The following ATF6 variants were observed in gnomAD, a reference collection of about 807,000 sequenced individuals.
ATF6 encodes the protein cyclic AMP-dependent transcription factor ATF-6 alpha.
Under a neutral mutation model 83.6 loss-of-function variants are expected in ATF6, and 53 were observed. That is an observed-to-expected ratio of 0.63 (90% confidence interval 0.51 to 0.80). ATF6 has a LOEUF of 0.80. Among genes scored for constraint, ATF6 ranks in the 30% least tolerant of loss-of-function variants. The probability of loss-of-function intolerance (pLI) is 0.00; values close to 1 mark genes in which losing one functional copy is unlikely to be tolerated. For missense variants in ATF6, 744 were observed against 797.9 expected, an observed-to-expected ratio of 0.93 and a Z score of 0.81; for synonymous variants, 288 against 285.8, an observed-to-expected ratio of 1.01 and a Z score of -0.08.
intron 14 of ATF6, among the ~76,000 whole-genome samples, chr1:161,903,193 A>G (rs558206160): frequency 6.6e-6 from 1 of 152,228 alleles, no homozygotes; most frequent in Non-Finnish European, 1.5e-5. Flanking sequence ...GTACAGGGAT[A>G]GAGTAGAGGC....
At chr1:161,827,334 G>C (rs762313575) in intron 9 of ATF6, among the ~76,000 whole-genome samples, 3 of 152,094 alleles carry the variant, frequency 2.0e-5, no homozygotes, top group Non-Finnish European at 4.4e-5. Context: ...CCACCTGGAA[G>C]ATATTTATTG....
intron 15 of ATF6, among the ~76,000 whole-genome samples, chr1:161,954,055 G>A (rs1688921436): frequency 6.6e-6 from 1 of 152,102 alleles, no homozygotes. Context: ...AGGAAAGGAG[G>A]GGGTTTGTTT....
chr1:161,893,540 A>G (rs1370113519), intron 14 of ATF6, among the ~76,000 whole-genome samples: 1 of 152,232 alleles, frequency 6.6e-6, no homozygotes, highest in Non-Finnish European at 1.5e-5. Context: ...GACCTTCTGA[A>G]AAGCCTGAGT....
At chr1:161,874,654 T>C (rs1571206794) in intron 14 of ATF6, among the ~76,000 whole-genome samples, 1 of 151,682 alleles carries the variant, frequency 6.6e-6, no homozygotes, top group Admixed American at 6.6e-5. Context: ...GTCACATATT[T>C]ACTTTGAAGT....
At chr1:161,907,332 A>C (rs891852469) in intron 14 of ATF6, among the ~76,000 whole-genome samples, 10 of 152,222 alleles carry the variant, frequency 6.6e-5, no homozygotes, top group African/African-American at 2.4e-4. Flanking sequence ...GCTGTTTTTG[A>C]AATAAGGCTA....
intron 9 of ATF6, among the ~76,000 whole-genome samples, chr1:161,835,205 A>G (rs746500035): frequency 6.6e-6 from 1 of 152,138 alleles, no homozygotes; most frequent in African/African-American, 2.4e-5. Flanking sequence ...GATACACACC[A>G]CCGTACCTGG....
intron 3 of ATF6, among the ~76,000 whole-genome samples, chr1:161,782,362 C>T: frequency 6.6e-6 from 1 of 152,174 alleles, no homozygotes; most frequent in South Asian, 2.1e-4. Flanking sequence ...GTGGAGGAGT[C>T]CCATGCATTT....
intron 14 of ATF6, among the ~76,000 whole-genome samples, chr1:161,907,618 T>A (rs1431495676): frequency 6.6e-6 from 1 of 152,238 alleles, no homozygotes; most frequent in East Asian, 1.9e-4. Flanking sequence ...GGCTCCAACC[T>A]TGAGCCAGAG....
chr1:161,846,544 A>G lies in ATF6; in HGVS notation c.1283A>G (p.Asp428Gly). The G allele has an allele frequency of 6.2e-7, 1 of 1,611,178 alleles. No homozygotes were observed. The highest frequency in any genetic ancestry group is 8.5e-7 in the Non-Finnish European group (1 of 1,178,210). The change falls in exon 10 of 16, where the codon GAC becomes GGC. Residue 428 changes from aspartate to glycine, a missense_variant. Coordinates refer to ENST00000367942, the MANE Select transcript of ATF6 (RefSeq NM_007348.4). ...LLGFSAKEAQ[D>G]TSDGIIQKNS... is the part of the protein sequence containing the mutation. ...GGATTTTCTGCTAAAGAGGCACAGG[A>G]CACATCAGATGGTATTATCCAGAAA...
At chr1:161,874,893 C>G (rs1002680299) in intron 14 of ATF6, among the ~76,000 whole-genome samples, 2 of 151,696 alleles carry the variant, frequency 1.3e-5, no homozygotes, top group African/African-American at 2.4e-5. Flanking sequence ...ATCTATCCAT[C>G]TCCTTGTTTT....
intron 3 of ATF6, 119 bp downstream of exon 3, chr1:161,782,118 G>A: frequency 1.6e-6 from 1 of 641,308 alleles, no homozygotes; most frequent in South Asian, 2.0e-5. Context: ...GATTCCTGGT[G>A]TTATGCATTC....
intron 12 of ATF6, among the ~76,000 whole-genome samples, chr1:161,856,927 A>G (rs922157116): frequency 2.6e-5 from 4 of 152,270 alleles, no homozygotes; most frequent in African/African-American, 4.8e-5. Context: ...ATTCTGTGCT[A>G]TTTTGGGTAC....
At chr1:161,854,151 C>G (rs530857810) in intron 12 of ATF6, among the ~76,000 whole-genome samples, 1 of 152,284 alleles carries the variant, frequency 6.6e-6, no homozygotes, top group African/African-American at 2.4e-5. Flanking sequence ...AGAAGTTCCA[C>G]TTTAAGACAA....
chr1:161,796,683 C>T (rs1033791039), intron 6 of ATF6, among the ~76,000 whole-genome samples: 6 of 152,146 alleles, frequency 3.9e-5, no homozygotes, highest in African/African-American at 1.4e-4. Context: ...TCTCAGTACA[C>T]AGAAGCTGAA....
intron 9 of ATF6, among the ~76,000 whole-genome samples, chr1:161,829,951 C>A (rs1477577659): frequency 6.6e-6 from 1 of 152,016 alleles, no homozygotes; most frequent in African/African-American, 2.4e-5. Context: ...AAGTTCTGGC[C>A]AGGGCAATCA....
rs539065253 is a variant in ATF6 at position 161,914,880 on chromosome 1, T to C, written c.1804+2500T>C. Among the ~76,000 whole-genome samples the C allele has an allele frequency of 8.8e-4, 134 of 152,204 alleles. 2 individuals are homozygous for C. The highest frequency in any genetic ancestry group is 2.8e-3 in the Admixed American group (43 of 15,264). On this transcript the variant is annotated intron_variant, in intron 15 of 15. Transcript: ENST00000367942. Reference sequence around the variant, plus strand: ...ACTGCTTTCTAGGTAAACCCAGCTCTTCTCTCTATGCCTGCTCTCAAGCAG... The same window carrying C: ...ACTGCTTTCTAGGTAAACCCAGCTCCTCTCTCTATGCCTGCTCTCAAGCAG...
intron 6 of ATF6, among the ~76,000 whole-genome samples, chr1:161,798,747 C>T (rs1272664557): frequency 6.6e-6 from 1 of 152,216 alleles, no homozygotes; most frequent in East Asian, 1.9e-4. Flanking sequence ...CTACAAGAAA[C>T]TTAACAAGCA....
intron 15 of ATF6, among the ~76,000 whole-genome samples, chr1:161,944,889 G>A (rs1461923951): frequency 6.6e-6 from 1 of 152,202 alleles, no homozygotes; most frequent in African/African-American, 2.4e-5. Context: ...TAAAAGAAGT[G>A]CACCAATAAG....
At chr1:161,772,947 C>T (rs1684423107) in intron 1 of ATF6, among the ~76,000 whole-genome samples, 1 of 149,186 alleles carries the variant, frequency 6.7e-6, no homozygotes, top group African/African-American at 2.5e-5. Flanking sequence ...GGTGCCACCA[C>T]TCCACTGAAA....
Sources: allele counts gnomAD v4.1 joint callset (sites outside exome capture counted in the v4.1 genomes callset), GRCh38; gene constraint gnomAD v4.1.1; transcripts MANE v1.5; gene names NCBI Gene and HGNC (gene_info 2026-07-23, HGNC 2026-07-21).